EPRS1: variants seen among roughly 807,000 people sequenced by gnomAD.
EPRS1 encodes the protein glutamyl-prolyl-tRNA synthetase 1, also known as bifunctional glutamate/proline--tRNA ligase.
Under a neutral mutation model 188.3 loss-of-function variants are expected in EPRS1, and 107 were observed. The observed-to-expected ratio is 0.57, with a 90% CI of 0.49 to 0.67. The LOEUF is 0.67. Ranked by LOEUF, EPRS1 falls within the 30% of genes least tolerant of loss-of-function variation. The pLI, the probability that EPRS1 is intolerant of heterozygous loss-of-function variation, is 0.00. For synonymous variants in EPRS1, 596 were observed against 593.1 expected (o/e 1.00, Z -0.07); for missense variants, 1,577 against 1,802.2 (o/e 0.88, Z 2.26).
In EPRS1 at chr1:219,979,459, T is replaced by C; in HGVS notation, c.3868A>G (p.Asn1290Asp). ...CGGGGTGGTAATACTAAACCCATGT[T>C]GTCCCCATGAACCATGGTCATAACA... ...IGVMTMVHGDNMGLVLPPRVA... is the reference protein window; with the variant it reads ...IGVMTMVHGDDMGLVLPPRVA... The change falls in exon 27 of 32, where the codon AAC (asparagine) becomes GAC (aspartate). Residue 1290 changes from asparagine (N) to aspartate (D), a missense_variant. Transcript: ENST00000366923. The C allele has an allele frequency of 6.2e-7, 1 of 1,614,110 alleles. No individual in the cohort carries two copies. Among genetic ancestry groups the C allele is most frequent in the Non-Finnish European group, 8.5e-7 (1 of 1,179,974 alleles).
Position 220,014,144 on chromosome 1 carries a change from A to G in EPRS1, c.1495-3088T>C, listed in dbSNP as rs558512955. The stretch of plus-strand genomic sequence containing the variant: ...GGAGTTCGGGACCAGCCTGGCCAAC[A>G]TGGTGAAACCCTGTCTATACTAAAA... On this transcript the variant is annotated intron_variant, in intron 12 of 31. Transcript: ENST00000366923. 7.9e-5 allele frequency among the ~76,000 whole-genome samples: 12 copies of G among 152,272 alleles called. No individual in the cohort carries two copies. In the South Asian group the frequency reaches 2.5e-3, roughly 32 times the overall value.
chr1:219,997,688 T>G (rs1016639584), intron 17 of EPRS1, among the ~76,000 whole-genome samples: 1 of 152,204 alleles, frequency 6.6e-6, no homozygotes, highest in Non-Finnish European at 1.5e-5. Context: ...CTGTGCAACT[T>G]TGAGTTATTT....
chr1:219,992,541 T>C (rs529006650), intron 18 of EPRS1, among the ~76,000 whole-genome samples: 2 of 152,328 alleles, frequency 1.3e-5, no homozygotes, highest in South Asian at 4.1e-4. Flanking sequence ...TTAGACTATG[T>C]GAGTCTTGGT....
In EPRS1 at chr1:219,988,630, C is replaced by T; in HGVS notation, c.2735G>A (p.Gly912Glu). ...AGTTTTAAGTTTCCGAACTACTTCCCCTTGAGAAGCTACTTTGTCAAAAAG... is the reference window on the plus strand; with the variant it reads ...AGTTTTAAGTTTCCGAACTACTTCCTCTTGAGAAGCTACTTTGTCAAAAAG... ...KVLFDKVASQGEVVRKLKTEK... is the reference protein window; with the variant it reads ...KVLFDKVASQEEVVRKLKTEK... The change falls in exon 19 of 32, where the codon GGG (glycine) becomes GAG (glutamate). Residue 912 changes from glycine (G) to glutamate (E), a missense_variant. Coordinates refer to ENST00000366923, the MANE Select transcript of EPRS1 (RefSeq NM_004446.3). 1 of 1,613,794 alleles carries T rather than the reference C, an allele frequency of 6.2e-7. No homozygotes were observed. The highest frequency in any genetic ancestry group is 8.5e-7 in the Non-Finnish European group (1 of 1,179,802).
intron 18 of EPRS1, 130 bp from the exon 19 acceptor site, chr1:219,988,953 T>G (rs1475290561): frequency 1.7e-6 from 1 of 604,396 alleles, no homozygotes; most frequent in African/African-American, 1.9e-5. Context: ...CTATGTTAAA[T>G]CATCAGCCTA....
chr1:220,031,183 T>C (rs1011306536), intron 5 of EPRS1, among the ~76,000 whole-genome samples: 1 of 151,844 alleles, frequency 6.6e-6, no homozygotes, highest in African/African-American at 2.4e-5. Context: ...TAGTGCAATG[T>C]CCATGAAAAG....
intron 27 of EPRS1, 82 bp from the exon 28 acceptor site, chr1:219,978,801 T>C (rs1660829171): frequency 2.1e-6 from 2 of 971,730 alleles, no homozygotes; most frequent in Non-Finnish European, 3.1e-6. Context: ...AACCTACCAG[T>C]GGCTATATTA....
At chr1:220,032,578 C>T in intron 4 of EPRS1, 52 bp from the exon 5 acceptor site, 1 of 1,587,634 alleles carries the variant, frequency 6.3e-7, no homozygotes, top group Non-Finnish European at 8.6e-7. Context: ...GCTTCAAAAG[C>T]AAAGTTCCAG....
intron 16 of EPRS1, among the ~76,000 whole-genome samples, chr1:220,004,774 A>G (rs569740210): frequency 6.6e-6 from 1 of 151,966 alleles, no homozygotes; most frequent in African/African-American, 2.4e-5. Context: ...ACAGAAAAGA[A>G]AAAAAAGGGA....
At chr1:220,038,224 A>G (rs1274681598) in intron 2 of EPRS1, among the ~76,000 whole-genome samples, 1 of 151,748 alleles carries the variant, frequency 6.6e-6, no homozygotes, top group East Asian at 1.9e-4. Context: ...CTGGGATTAC[A>G]GGCATGCACA....
chr1:220,037,059 T>A (rs1662195159), intron 2 of EPRS1, among the ~76,000 whole-genome samples: 1 of 151,428 alleles, frequency 6.6e-6, no homozygotes, highest in South Asian at 2.1e-4. Flanking sequence ...CCAGGCATGT[T>A]GGTACACACC....
chr1:220,040,084 C>A (rs1440928523), intron 2 of EPRS1, 101 bp downstream of exon 2: 2 of 741,860 alleles, frequency 2.7e-6, no homozygotes, highest in Non-Finnish European at 4.6e-6. Context: ...GAGCTATGAT[C>A]ATGCCAGCCT....
chr1:219,990,817 A>G (rs1661105514), intron 18 of EPRS1, among the ~76,000 whole-genome samples: 1 of 152,180 alleles, frequency 6.6e-6, no homozygotes, highest in African/African-American at 2.4e-5. Flanking sequence ...AGGCATTTAC[A>G]AAGAGGAATT....
intron 12 of EPRS1, among the ~76,000 whole-genome samples, chr1:220,016,577 ATTTTTTTTT>A (rs57664248): frequency 5.7e-5 from 4 of 69,606 alleles, no homozygotes; most frequent in Non-Finnish European, 7.7e-5. Flanking sequence ...GGCCTAGCTA[ATTTTTTTTT>A]TTTTTTTTTT....
chr1:219,994,477 TTATTA>T (rs147117721), intron 18 of EPRS1, among the ~76,000 whole-genome samples: 3,272 of 152,128 alleles, frequency 0.022, 58 homozygotes, highest in East Asian at 0.067. Flanking sequence ...GTTTGGGTCT[TTATTA>T]GAGGTCTGTG....
intron 16 of EPRS1, among the ~76,000 whole-genome samples, chr1:220,002,535 A>C (rs1396869563): frequency 6.6e-6 from 1 of 152,172 alleles, no homozygotes; most frequent in African/African-American, 2.4e-5. Flanking sequence ...GCTTATAAGC[A>C]GAAAAATTTC....
chr1:219,978,713 TC>T lies in EPRS1; in HGVS notation c.3915del (p.Ile1306LeufsTer18), dbSNP rs1158026072. 6.2e-7 allele frequency: 1 copy of T among 1,609,096 alleles called. No individual in the cohort carries two copies. The highest frequency in any genetic ancestry group is 1.3e-5 in the African/African-American group (1 of 74,604). ...LPPRVACVQV[V>X]IIPCGITNAL... ...GCATTGGTAATGCCACAAGGAATAA[TC>T]ACCACCTAGAATCAGCACAATGTCC... On this transcript the variant is annotated frameshift_variant, in exon 28 of 32. Coordinates refer to ENST00000366923, the MANE Select transcript of EPRS1 (RefSeq NM_004446.3). LOFTEE classifies it high-confidence loss of function.
At chr1:220,018,079 A>AT in intron 12 of EPRS1, 1 of 1,166,362 alleles carries the variant, frequency 8.6e-7, no homozygotes, top group Non-Finnish European at 1.1e-6. Flanking sequence ...TTAACATGTA[A>AT]TATGCTAAAA....
chr1:219,995,494 C>A (rs553369777), intron 18 of EPRS1, among the ~76,000 whole-genome samples: 3 of 152,312 alleles, frequency 2.0e-5, no homozygotes, highest in African/African-American at 4.8e-5. Flanking sequence ...ATGCTCCCAA[C>A]CTCCCCATGA....
Sources: gnomAD v4.1 joint callset for allele counts (sites outside exome capture counted in the v4.1 genomes callset) on GRCh38, gnomAD v4.1.1 for gene constraint, MANE v1.5 for transcripts, NCBI Gene and HGNC (gene_info 2026-07-23, HGNC 2026-07-21) for gene names.